FBXO6: variants seen among roughly 807,000 people sequenced by gnomAD.
FBXO6 encodes the protein F-box protein 6, also known as F-box only protein 6.
In FBXO6, 13 loss-of-function variants were observed where a neutral mutation model predicts 25.0. The observed-to-expected ratio is 0.52, with a 90% CI of 0.34 to 0.83. The LOEUF is 0.83. Ranked by LOEUF, FBXO6 falls within the 40% of genes least tolerant of loss-of-function variation. The pLI, the probability that FBXO6 is intolerant of heterozygous loss-of-function variation, is 0.02. For synonymous variants in FBXO6, 138 were observed against 155.3 expected (o/e 0.89, Z 0.83); for missense variants, 370 against 380.2 (o/e 0.97, Z 0.22).
At position 11,671,391 on chromosome 1, in the gene FBXO6, G is replaced by T. The variant is rs566510540; in HGVS notation, c.412G>T (p.Glu138Ter). The T allele has an allele frequency of 6.2e-7, 1 of 1,613,530 alleles. No homozygotes were observed. Among genetic ancestry groups the T allele is most frequent in the Non-Finnish European group, 8.5e-7 (1 of 1,179,532 alleles). ...CAAGAAGTATTTTGTCACATCCTAC[G>T]AGTAAGGCAAACTGAACCTACCAGG... is the stretch of plus-strand genomic sequence containing the variant. ...KVKKYFVTSY[E>*]MCLKSQLVDL... is the part of the protein sequence containing the mutation. The change falls in exon 3 of 6, where the codon GAA (glutamate) becomes TAA (stop). Residue 138 changes from glutamate to a stop codon, truncating the protein, a stop_gained and splice_region_variant. Coordinates refer to ENST00000376753, the MANE Select transcript of FBXO6 (RefSeq NM_018438.6). LOFTEE classifies it high-confidence loss of function.
At chr1:11,669,998 G>A (rs559364359) in intron 2 of FBXO6, among the ~76,000 whole-genome samples, 1 of 147,090 alleles carries the variant, frequency 6.8e-6, no homozygotes, top group South Asian at 2.2e-4. Context: ...GGATGACGAG[G>A]TCAGGAGATC....
chr1:11,670,439 C>T (rs1268017550), intron 2 of FBXO6, among the ~76,000 whole-genome samples: 3 of 151,940 alleles, frequency 2.0e-5, no homozygotes, highest in Non-Finnish European at 4.4e-5. Flanking sequence ...CCATCTGAGC[C>T]CTATGGGAAT....
At chr1:11,671,699 C>T (rs1640619338) in intron 3 of FBXO6, among the ~76,000 whole-genome samples, 1 of 152,174 alleles carries the variant, frequency 6.6e-6, no homozygotes, top group Admixed American at 6.5e-5. Context: ...GAACAATGGG[C>T]CTTTGGACTG....
chr1:11,671,169 G>A (rs1640605479), intron 2 of FBXO6, 97 bp from the exon 3 acceptor site: 17 of 1,516,738 alleles, frequency 1.1e-5, no homozygotes, highest in Middle Eastern at 2.4e-4. Context: ...GGTCACTAAC[G>A]CCAACCACCC....
At chr1:11,670,641 G>T (rs976208440) in intron 2 of FBXO6, among the ~76,000 whole-genome samples, 2 of 81,782 alleles carry the variant, frequency 2.4e-5, no homozygotes, top group Non-Finnish European at 2.3e-5. Context: ...AAAAAAAAGG[G>T]GGGGGGGGTG....
intron 1 of FBXO6, among the ~76,000 whole-genome samples, chr1:11,665,257 C>T (rs1640390509): frequency 8.5e-6 from 1 of 118,096 alleles, no homozygotes; most frequent in African/African-American, 3.3e-5. Context: ...CGGAGTGTCG[C>T]TCTGTCGCCC....
intron 1 of FBXO6, 59 bp from the exon 2 acceptor site, chr1:11,668,597 C>T: frequency 3.2e-6 from 5 of 1,578,144 alleles, no homozygotes; most frequent in Non-Finnish European, 4.3e-6. Context: ...GGCCTGGTTC[C>T]CTGGGGACCT....
rs144511138 is a variant in FBXO6, at chr1:11,672,003, G to A, written c.489G>A (p.Pro163=). Residue 163 remains proline (P), a synonymous_variant, in exon 4 of 6, where the codon CCG becomes CCA. Coordinates refer to ENST00000376753, the MANE Select transcript of FBXO6 (RefSeq NM_018438.6). ...YWEELLDTFR[P]DIVVKDWFAA... ...AGGAGCTACTAGACACATTCCGGCC[G>A]GACATCGTGGTTAAGGACTGGTGAG... 3.6e-4 allele frequency: 589 copies of A among 1,614,170 alleles called. 8 individuals carry two copies. In the East Asian group the frequency reaches 0.011, roughly 31 times the overall value.
intron 2 of FBXO6, among the ~76,000 whole-genome samples, chr1:11,669,813 T>A (rs1194054958): frequency 2.7e-5 from 4 of 150,176 alleles, no homozygotes; most frequent in Non-Finnish European, 5.9e-5. Context: ...ATTTTTGTAC[T>A]TTTAGTAGAG....
At chr1:11,670,032 GA>G (rs1354247742) in intron 2 of FBXO6, among the ~76,000 whole-genome samples, 2 of 149,448 alleles carry the variant, frequency 1.3e-5, no homozygotes, top group African/African-American at 2.5e-5. Flanking sequence ...CCAACAAGGT[GA>G]AACCCCATCT....
chr1:11,673,961 T>C lies in FBXO6; in HGVS notation c.*110T>C. The C allele has an allele frequency of 2.2e-6, 2 of 903,500 alleles. No individual in the cohort carries two copies. Among genetic ancestry groups the C allele is most frequent in the Non-Finnish European group, 3.6e-6 (2 of 561,418 alleles). The allele number at this position is 903,500 out of a possible 1,614,324, so 56.0% of individuals were successfully genotyped here. On this transcript the variant is annotated 3_prime_UTR_variant, in exon 6 of 6. Transcript: ENST00000376753. This position sits in a 1 kb window ranked among gnomAD's most constrained non-coding sequence, Gnocchi z 4.3. ...AGCGACTCCTGCCCCGGTTCAACCC[T>C]ACCAGCTTGTGGTAACTTACTGTCA...
chr1:11,673,519 G>A lies in FBXO6; in HGVS notation c.646-96G>A, dbSNP rs1362956127. 18 of 1,572,782 alleles carry A rather than the reference G, an allele frequency of 1.1e-5. No individual in the cohort carries two copies. The highest frequency in any genetic ancestry group is 1.5e-5 in the Non-Finnish European group (17 of 1,154,650). On this transcript the variant is annotated intron_variant, in intron 5 of 5. Coordinates refer to ENST00000376753, the MANE Select transcript of FBXO6 (RefSeq NM_018438.6). This position sits in a 1 kb window ranked among gnomAD's most constrained non-coding sequence, Gnocchi z 4.3. Reference sequence around the variant, plus strand: ...AGGGTGCCCCTGCTGGCCTGGAGCTGTTGCCTTCCAGCCTGGGCAGCTCTC... The same window carrying A: ...AGGGTGCCCCTGCTGGCCTGGAGCTATTGCCTTCCAGCCTGGGCAGCTCTC...
In FBXO6 at chr1:11,673,208, C is replaced by A. The variant is rs1640674954; in HGVS notation, c.510-69C>A. The stretch of plus-strand genomic sequence containing the variant: ...AAGCTCCGAGCTCCAATGTATAGGT[C>A]CCACCTGCCCCCACCCCTGGGGCCA... On this transcript the variant is annotated intron_variant, in intron 4 of 5. Transcript: ENST00000376753. The surrounding 1 kb of genome is among the most constrained non-coding windows in gnomAD (Gnocchi z 4.3). 2 of 1,534,890 alleles carry A rather than the reference C, an allele frequency of 1.3e-6. No homozygotes were observed. The highest frequency in any genetic ancestry group is 4.0e-5 in the Admixed American group (2 of 50,546).
In FBXO6 at chr1:11,666,027, TTTC is replaced by T. The variant is rs1263958884; in HGVS notation, c.-4+1775_-4+1777del. ...TATTTTTTTTTTCCATCAAAGCATT[TTTC>T]TTTTCTCTTTTTTTTTTTTTTTTTT... On this transcript the variant is annotated intron_variant, in intron 1 of 5. Coordinates refer to ENST00000376753, the MANE Select transcript of FBXO6 (RefSeq NM_018438.6). 1.4e-4 allele frequency among the ~76,000 whole-genome samples: 20 copies of T among 147,824 alleles called. No homozygotes were observed. In the East Asian group the frequency reaches 3.9e-3, roughly 29 times the overall value.
chr1:11,673,225 C>T lies in FBXO6; in HGVS notation c.510-52C>T. On this transcript the variant is annotated intron_variant, in intron 4 of 5. Transcript: ENST00000376753. The surrounding 1 kb of genome is among the most constrained non-coding windows in gnomAD (Gnocchi z 4.3). ...GTATAGGTCCCACCTGCCCCCACCC[C>T]TGGGGCCAGCCCTCGGTGGCTTGGA... 6.4e-7 allele frequency: 1 copy of T among 1,567,080 alleles called. No homozygotes were observed. Among genetic ancestry groups the T allele is most frequent in the East Asian group, 2.3e-5 (1 of 44,436 alleles).
rs752293479 is a variant in FBXO6 at position 11,673,658 on chromosome 1, T to C, written c.689T>C (p.Ile230Thr). ...FSDYPRGVRY[I>T]LFQHGGRDTQ... ...GACTACCCCCGGGGTGTCCGCTACA[T>C]CCTCTTCCAGCATGGGGGCAGGGAC... The change falls in exon 6 of 6, where the codon ATC (isoleucine) becomes ACC (threonine). Residue 230 changes from isoleucine to threonine, a missense_variant. By Grantham distance (89) the Ile-to-Thr change is moderately conservative. Coordinates refer to ENST00000376753, the MANE Select transcript of FBXO6 (RefSeq NM_018438.6). This position sits in a 1 kb window ranked among gnomAD's most constrained non-coding sequence, Gnocchi z 4.3. 1 of 1,613,758 alleles carries C rather than the reference T, an allele frequency of 6.2e-7. No individual in the cohort carries two copies. The highest frequency in any genetic ancestry group is 1.7e-5 in the Admixed American group (1 of 59,996).
chr1:11,667,869 G>C (rs950505760), intron 1 of FBXO6, among the ~76,000 whole-genome samples: 3 of 152,152 alleles, frequency 2.0e-5, no homozygotes, highest in Non-Finnish European at 2.9e-5. Context: ...GAGGTGGGCG[G>C]ATCATGGGGT....
intron 1 of FBXO6, among the ~76,000 whole-genome samples, chr1:11,667,128 C>G (rs980499124): frequency 6.7e-6 from 1 of 149,166 alleles, no homozygotes; most frequent in Non-Finnish European, 1.5e-5. Flanking sequence ...GCCTGGGCAA[C>G]AAGAGTGAAA....
At chr1:11,668,597 C>A in intron 1 of FBXO6, 59 bp from the exon 2 acceptor site, 1 of 1,578,144 alleles carries the variant, frequency 6.3e-7, no homozygotes, top group African/African-American at 1.3e-5. Context: ...GGCCTGGTTC[C>A]CTGGGGACCT....
Sources: allele counts gnomAD v4.1 joint callset (sites outside exome capture counted in the v4.1 genomes callset), GRCh38; gene constraint gnomAD v4.1.1; non-coding constraint Gnocchi (gnomAD v3.1); transcripts MANE v1.5; gene names NCBI Gene and HGNC (gene_info 2026-07-23, HGNC 2026-07-21).